The following NCOA1 variants were observed in gnomAD, a reference collection of about 807,000 sequenced individuals.
NCOA1 encodes the protein nuclear receptor coactivator 1, also known as Hin-2 protein.
In NCOA1, 35 loss-of-function variants were observed where a neutral mutation model predicts 150.9. The ratio of observed to expected loss-of-function variants is 0.23; its 90% CI spans 0.18 to 0.31. NCOA1 has a LOEUF of 0.31. NCOA1 is among the 10% of genes least tolerant of loss of function. The pLI is 1.00. For synonymous variants in NCOA1, 590 were observed against 630.0 expected (o/e 0.94, Z 0.95); for missense variants, 1,491 against 1,749.3 (o/e 0.85, Z 2.63).
At chr2:24,575,632 G>A (rs1264820331) in intron 2 of NCOA1, among the ~76,000 whole-genome samples, 3 of 147,854 alleles carry the variant, frequency 2.0e-5, no homozygotes, top group African/African-American at 7.5e-5. Context: ...GGCATGCAGT[G>A]GTGCAATCTT....
intron 2 of NCOA1, among the ~76,000 whole-genome samples, chr2:24,573,468 C>G (rs1422453507): frequency 3.3e-5 from 5 of 152,108 alleles, no homozygotes; most frequent in Non-Finnish European, 5.9e-5. Flanking sequence ...TCGAGAATCT[C>G]TGTCCTTACT....
intron 1 of NCOA1, among the ~76,000 whole-genome samples, chr2:24,557,555 T>G (rs1044597999): frequency 1.3e-5 from 2 of 150,454 alleles, no homozygotes; most frequent in African/African-American, 4.9e-5. Flanking sequence ...TCCCCTCCCT[T>G]CCCCCTTTTT....
intron 1 of NCOA1, among the ~76,000 whole-genome samples, chr2:24,542,303 C>G (rs546054662): frequency 1.7e-4 from 26 of 151,990 alleles, no homozygotes; most frequent in Non-Finnish European, 3.5e-4. Flanking sequence ...TTCTGATGTT[C>G]AAGGATAAGA....
intron 3 of NCOA1, among the ~76,000 whole-genome samples, chr2:24,639,963 TATATA>T (rs1670128105): frequency 8.1e-6 from 1 of 124,134 alleles, no homozygotes; most frequent in African/African-American, 3.4e-5. Context: ...TATATATATA[TATATA>T]TATTCAGAGT....
At chr2:24,574,100 G>GA (rs1666854220) in intron 2 of NCOA1, among the ~76,000 whole-genome samples, 2 of 151,872 alleles carry the variant, frequency 1.3e-5, no homozygotes, top group Admixed American at 1.3e-4. Flanking sequence ...AAACAAAATA[G>GA]AAAAATATCT....
chr2:24,622,152 C>A (rs139321037), intron 3 of NCOA1, among the ~76,000 whole-genome samples: 4 of 152,206 alleles, frequency 2.6e-5, no homozygotes, highest in South Asian at 4.1e-4. Context: ...AGTTAGTATA[C>A]AGGAATTTGA....
At chr2:24,503,640 G>A (rs550517124) in intron 1 of NCOA1, among the ~76,000 whole-genome samples, 53 of 151,478 alleles carry the variant, frequency 3.5e-4, no homozygotes, top group African/African-American at 6.8e-4. Flanking sequence ...ACATGAGAGT[G>A]TATGGCTTAG....
intron 1 of NCOA1, among the ~76,000 whole-genome samples, chr2:24,495,291 C>T (rs1558740595): frequency 6.6e-6 from 1 of 152,082 alleles, no homozygotes; most frequent in Non-Finnish European, 1.5e-5. Context: ...TGTATCCATG[C>T]TTCTTCCCCC....
intron 1 of NCOA1, among the ~76,000 whole-genome samples, chr2:24,517,813 G>T (rs2148127004): frequency 6.6e-6 from 1 of 152,230 alleles, no homozygotes; most frequent in African/African-American, 2.4e-5. Context: ...GAAAATTATG[G>T]TAATTTGCTA....
intron 19 of NCOA1, among the ~76,000 whole-genome samples, chr2:24,746,364 G>A (rs965972677): frequency 1.2e-4 from 19 of 152,256 alleles, no homozygotes; most frequent in African/African-American, 3.4e-4. Flanking sequence ...CCGACATGGC[G>A]AAACTCCATC....
chr2:24,566,240 T>A (rs1361147286), intron 2 of NCOA1, among the ~76,000 whole-genome samples: 3 of 152,098 alleles, frequency 2.0e-5, no homozygotes, highest in Admixed American at 2.0e-4. Flanking sequence ...AGCCAGGGTG[T>A]CCCGATGAGT....
chr2:24,611,117 C>T (rs1474740566), intron 3 of NCOA1, among the ~76,000 whole-genome samples: 1 of 152,154 alleles, frequency 6.6e-6, no homozygotes. Flanking sequence ...TCCCTCCCTG[C>T]TCTGTTAGTC....
At chr2:24,619,865 G>GT (rs928734389) in intron 3 of NCOA1, among the ~76,000 whole-genome samples, 73 of 151,942 alleles carry the variant, frequency 4.8e-4, no homozygotes, top group Non-Finnish European at 9.4e-4. Flanking sequence ...TTCCTAAAGG[G>GT]TTTTTTGGGG....
intron 19 of NCOA1, among the ~76,000 whole-genome samples, chr2:24,742,713 C>T (rs1050989454): frequency 1.3e-5 from 2 of 151,960 alleles, no homozygotes; most frequent in South Asian, 2.1e-4. Flanking sequence ...CCACCATACC[C>T]GGCCCATTCT....
In NCOA1 at chr2:24,706,777, A is replaced by G. The variant is rs1673459079; in HGVS notation, c.1307A>G (p.Asn436Ser). The G allele has an allele frequency of 6.2e-7, 1 of 1,614,264 alleles. No individual in the cohort carries two copies. Among genetic ancestry groups the G allele is most frequent in the Non-Finnish European group, 8.5e-7 (1 of 1,180,050 alleles). The change falls in exon 13 of 23, where the codon AAC becomes AGC. Residue 436 changes from asparagine (N) to serine (S), a missense_variant. By Grantham distance (46) the Asn-to-Ser change is conservative. Transcript: ENST00000348332. ...AGCAGCAGTCATAGTAATTCTAGCA[A>G]CAGCCAAGGAAGTTTCGGATGCTCA... ...LHSSSHSNSS[N>S]SQGSFGCSPG... is the part of the protein sequence containing the mutation.
At chr2:24,679,335 A>G (rs1672060119) in intron 7 of NCOA1, among the ~76,000 whole-genome samples, 1 of 152,248 alleles carries the variant, frequency 6.6e-6, no homozygotes, top group African/African-American at 2.4e-5. Context: ...CTTGTAGAAC[A>G]AGAACAAGTA....
chr2:24,637,186 C>G (rs1282478776), intron 3 of NCOA1, among the ~76,000 whole-genome samples: 1 of 148,488 alleles, frequency 6.7e-6, no homozygotes, highest in Non-Finnish European at 1.5e-5. Flanking sequence ...CACCCATTAA[C>G]TCGTCATTTA....
At chr2:24,497,327 TC>T (rs1471367817) in intron 1 of NCOA1, among the ~76,000 whole-genome samples, 1 of 152,148 alleles carries the variant, frequency 6.6e-6, no homozygotes, top group Non-Finnish European at 1.5e-5. Flanking sequence ...GCAGTCTTGT[TC>T]CTTTCTGATG....
chr2:24,729,461 G>A (rs1163015381), intron 16 of NCOA1, 40 bp from the exon 17 acceptor site: 3 of 1,559,442 alleles, frequency 1.9e-6, no homozygotes, highest in Non-Finnish European at 2.6e-6. Context: ...CTTATTGGCA[G>A]AAATTTATTT....
Sources: allele counts gnomAD v4.1 joint callset (sites outside exome capture counted in the v4.1 genomes callset), GRCh38; gene constraint gnomAD v4.1.1; transcripts MANE v1.5; gene names NCBI Gene and HGNC (gene_info 2026-07-23, HGNC 2026-07-21).